RAPGEF6: variants seen among roughly 807,000 people sequenced by gnomAD.
The protein encoded by RAPGEF6 is PDZ domain containing guanine nucleotide exchange factor (GEF) 2.
In RAPGEF6, 56 loss-of-function variants were observed where a neutral mutation model predicts 171.4. That is an observed-to-expected ratio of 0.33 (90% confidence interval 0.26 to 0.41). The LOEUF (loss-of-function observed/expected upper bound fraction) is 0.41, where lower values mean the gene tolerates loss of function less well. Ranked by LOEUF, RAPGEF6 falls within the 10% of genes least tolerant of loss-of-function variation. RAPGEF6 has a pLI of 1.00. For synonymous variants in RAPGEF6, 692 were observed against 650.1 expected (o/e 1.06, Z -0.98); for missense variants, 1,674 against 1,921.4 (o/e 0.87, Z 2.41).
intron 6 of RAPGEF6, among the ~76,000 whole-genome samples, chr5:131,537,906 A>C (rs1759877344): frequency 7.0e-6 from 1 of 142,734 alleles, no homozygotes; most frequent in African/African-American, 2.7e-5. Flanking sequence ...CAACCTGAAA[A>C]ACATGATGAA....
At chr5:131,497,094 T>C (rs1370043111) in intron 12 of RAPGEF6, among the ~76,000 whole-genome samples, 1 of 152,208 alleles carries the variant, frequency 6.6e-6, no homozygotes, top group East Asian at 1.9e-4. Context: ...GGTATCTCAT[T>C]GAGGTTATGA....
At chr5:131,580,012 C>T (rs189825741) in intron 4 of RAPGEF6, among the ~76,000 whole-genome samples, 10 of 152,366 alleles carry the variant, frequency 6.6e-5, no homozygotes, top group East Asian at 1.9e-4. Context: ...CAGAGCTGCT[C>T]GTCAGTCCCA....
chr5:131,432,119 CT>C (rs1350925635), intron 25 of RAPGEF6, among the ~76,000 whole-genome samples: 2 of 151,878 alleles, frequency 1.3e-5, no homozygotes, highest in African/African-American at 4.8e-5. Flanking sequence ...GTTTTTTAAC[CT>C]TTTAAAAGGT....
At chr5:131,624,423 G>A (rs1765781708) in intron 1 of RAPGEF6, among the ~76,000 whole-genome samples, 1 of 152,172 alleles carries the variant, frequency 6.6e-6, no homozygotes, top group East Asian at 1.9e-4. Flanking sequence ...CCCCAAGAGA[G>A]GAGGTTAAAA....
intron 20 of RAPGEF6, among the ~76,000 whole-genome samples, chr5:131,455,141 T>G (rs1753388823): frequency 1.3e-5 from 2 of 152,172 alleles, no homozygotes; most frequent in Non-Finnish European, 2.9e-5. Context: ...TAAAAAATAG[T>G]AGTAACAACA....
chr5:131,501,360 A>G (rs1011260361), intron 11 of RAPGEF6, among the ~76,000 whole-genome samples: 2 of 151,640 alleles, frequency 1.3e-5, no homozygotes, highest in African/African-American at 4.8e-5. Flanking sequence ...AAATCAAATG[A>G]TCAATCCTTC....
intron 8 of RAPGEF6, among the ~76,000 whole-genome samples, chr5:131,508,491 T>C (rs182674189): frequency 6.6e-6 from 1 of 152,372 alleles, no homozygotes; most frequent in East Asian, 1.9e-4. Context: ...GCGGAGCGTT[T>C]ATCTAATATT....
Position 131,426,907 on chromosome 5 carries a change from A to C in RAPGEF6, c.*359T>G, listed in dbSNP as rs1257930070. 2 of 216,548 alleles carry C rather than the reference A, an allele frequency of 9.2e-6. No individual in the cohort carries two copies. The allele number at this position is 216,548 out of a possible 1,614,324, so 13.4% of individuals were successfully genotyped here. A position where few individuals can be genotyped will look rare whatever the true frequency, so the allele number is the denominator to read the frequency against. Reference sequence around the variant, plus strand: ...TCCTTCAGCCCAAGCTATGGCTTGGAAATAATAATGCCATTATCTTTAAAA... The same window carrying C: ...TCCTTCAGCCCAAGCTATGGCTTGGCAATAATAATGCCATTATCTTTAAAA... On this transcript the variant is annotated 3_prime_UTR_variant, in exon 28 of 28. Transcript: ENST00000509018.
chr5:131,562,777 AT>A (rs201189652), intron 4 of RAPGEF6, among the ~76,000 whole-genome samples: 2 of 151,484 alleles, frequency 1.3e-5, no homozygotes. Context: ...GCAACCATCC[AT>A]TTTTTTTTCC....
At chr5:131,505,814 C>G (rs1442942502) in intron 9 of RAPGEF6, among the ~76,000 whole-genome samples, 1 of 152,140 alleles carries the variant, frequency 6.6e-6, no homozygotes, top group Non-Finnish European at 1.5e-5. Context: ...TTAATCCATA[C>G]CATGCCACCA....
In RAPGEF6 at chr5:131,453,188, A is replaced by C. The variant is rs1383609998; in HGVS notation, c.3077-11T>G. ...CTTTGGAGTCATTTCCTATAGAATGAAAATAAATGTTTAAGTTCAAAATTA... is the reference window on the plus strand; with the variant it reads ...CTTTGGAGTCATTTCCTATAGAATGCAAATAAATGTTTAAGTTCAAAATTA... On this transcript the variant is annotated splice_polypyrimidine_tract_variant and intron_variant, in intron 20 of 27. Coordinates refer to ENST00000509018, the MANE Select transcript of RAPGEF6 (RefSeq NM_016340.6). 1 of 1,585,812 alleles carries C rather than the reference A, an allele frequency of 6.3e-7. No homozygotes were observed. Among genetic ancestry groups the C allele is most frequent in the African/African-American group, 1.4e-5 (1 of 73,792 alleles).
chr5:131,633,657 G>A (rs1034710073), intron 1 of RAPGEF6, among the ~76,000 whole-genome samples: 5 of 152,164 alleles, frequency 3.3e-5, no homozygotes, highest in East Asian at 3.9e-4. Flanking sequence ...CTTGAACCCG[G>A]GAGGTAAAGG....
intron 4 of RAPGEF6, among the ~76,000 whole-genome samples, chr5:131,572,335 G>T (rs1294473687): frequency 1.3e-5 from 2 of 152,078 alleles, no homozygotes; most frequent in African/African-American, 4.8e-5. Context: ...CGGGTAAGCG[G>T]TTTTTTCGCT....
chr5:131,555,536 T>C (rs1761180671), intron 5 of RAPGEF6, among the ~76,000 whole-genome samples: 1 of 152,050 alleles, frequency 6.6e-6, no homozygotes, highest in Non-Finnish European at 1.5e-5. Context: ...ACTAATGACA[T>C]TTATTTATGC....
chr5:131,514,128 C>T (rs1438986910), intron 7 of RAPGEF6, among the ~76,000 whole-genome samples: 2 of 152,046 alleles, frequency 1.3e-5, no homozygotes, highest in African/African-American at 4.8e-5. Flanking sequence ...TAAGAAAATA[C>T]ATTAAACTAT....
At chr5:131,436,967 AG>A (rs1198106091) in intron 24 of RAPGEF6, among the ~76,000 whole-genome samples, 1 of 152,226 alleles carries the variant, frequency 6.6e-6, no homozygotes, top group Non-Finnish European at 1.5e-5. Context: ...ACATGAAGAC[AG>A]GTTTATTTTC....
chr5:131,542,760 G>A (rs1368587246), intron 6 of RAPGEF6, among the ~76,000 whole-genome samples: 3 of 152,054 alleles, frequency 2.0e-5, no homozygotes, highest in Non-Finnish European at 2.9e-5. Flanking sequence ...AGAGGACAAA[G>A]AATAAAAGTA....
At chr5:131,545,559 A>T (rs1358290301) in intron 6 of RAPGEF6, among the ~76,000 whole-genome samples, 1 of 152,236 alleles carries the variant, frequency 6.6e-6, no homozygotes. Flanking sequence ...TGCTGCTCTC[A>T]TAAACATGAT....
chr5:131,552,934 C>CAA (rs1407163850), intron 5 of RAPGEF6, among the ~76,000 whole-genome samples: 1 of 151,970 alleles, frequency 6.6e-6, no homozygotes, highest in Non-Finnish European at 1.5e-5. Context: ...GCAAATACTC[C>CAA]AATATACTGA....
Sources: allele counts gnomAD v4.1 joint callset (sites outside exome capture counted in the v4.1 genomes callset), GRCh38; gene constraint gnomAD v4.1.1; transcripts MANE v1.5; gene names NCBI Gene and HGNC (gene_info 2026-07-23, HGNC 2026-07-21).